NWD2: variants seen among roughly 807,000 people sequenced by gnomAD.
The protein encoded by NWD2 is NACHT and WD repeat domain-containing protein 2.
In NWD2, 37 loss-of-function variants were observed where a neutral mutation model predicts 132.7. That is an observed-to-expected ratio of 0.28 (90% CI 0.21 to 0.37). The LOEUF (loss-of-function observed/expected upper bound fraction) is 0.37, where lower values mean the gene tolerates loss of function less well. NWD2 is among the 10% of genes least tolerant of loss of function. The pLI is 1.00. For missense variants in NWD2, 1,592 were observed against 2,122.4 expected, an observed-to-expected ratio of 0.75 and a Z score of 4.91; for synonymous variants, 705 against 803.0, an observed-to-expected ratio of 0.88 and a Z score of 2.06.
chr4:37,259,818 G>C (rs1717592275), intron 1 of NWD2, among the ~76,000 whole-genome samples: 1 of 152,244 alleles, frequency 6.6e-6, no homozygotes, highest in Non-Finnish European at 1.5e-5. Flanking sequence ...AAAAGGCAGA[G>C]AGTGGGAGGA....
At chr4:37,250,008 T>G (rs7669853) in intron 1 of NWD2, among the ~76,000 whole-genome samples, 10 of 152,108 alleles carry the variant, frequency 6.6e-5, no homozygotes, top group South Asian at 2.1e-4. Flanking sequence ...GGCAGACATA[T>G]CTGCATTAAG....
chr4:37,386,325 T>C (rs886511106), intron 3 of NWD2, among the ~76,000 whole-genome samples: 2 of 152,144 alleles, frequency 1.3e-5, no homozygotes, highest in East Asian at 3.8e-4. Flanking sequence ...GAAACCATCA[T>C]GAATTTATAG....
chr4:37,322,872 A>AT (rs1344224367), intron 1 of NWD2, among the ~76,000 whole-genome samples: 2 of 152,204 alleles, frequency 1.3e-5, no homozygotes, highest in African/African-American at 2.4e-5. Flanking sequence ...AGATAATTCA[A>AT]TTTTTTTTAT....
At chr4:37,277,954 T>C (rs1300828967) in intron 1 of NWD2, among the ~76,000 whole-genome samples, 2 of 152,178 alleles carry the variant, frequency 1.3e-5, no homozygotes, top group Non-Finnish European at 2.9e-5. Flanking sequence ...TCCACTGATA[T>C]CTTTGCTCAG....
intron 6 of NWD2, among the ~76,000 whole-genome samples, chr4:37,442,090 G>A (rs73809824): frequency 0.027 from 4,139 of 152,252 alleles, 130 homozygotes; most frequent in African/African-American, 0.072. Context: ...CAACAGCAAC[G>A]AAATGTTTAT....
intron 1 of NWD2, among the ~76,000 whole-genome samples, chr4:37,324,315 T>C (rs1430001975): frequency 6.6e-6 from 1 of 152,188 alleles, no homozygotes; most frequent in East Asian, 1.9e-4. Context: ...ACGATTTAGA[T>C]ACCATTTTTT....
chr4:37,400,061 C>G (rs1227945127), intron 3 of NWD2, among the ~76,000 whole-genome samples: 1 of 152,294 alleles, frequency 6.6e-6, no homozygotes, highest in East Asian at 1.9e-4. Flanking sequence ...GTATCCCCAA[C>G]CATCTCAAAA....
Position 37,244,784 on chromosome 4 carries a change from C to A in NWD2, c.-284C>A. 2.7e-6 allele frequency: 1 copy of A among 370,038 alleles called. No homozygotes were observed. Among genetic ancestry groups the A allele is most frequent in the Non-Finnish European group, 4.8e-6 (1 of 206,562 alleles). 22.9% of individuals were successfully genotyped at this position (370,038 alleles called of 1,614,324 possible). On this transcript the variant is annotated 5_prime_UTR_variant, in exon 1 of 7. Coordinates refer to ENST00000309447, the MANE Select transcript of NWD2 (RefSeq NM_001144990.2). The surrounding 1 kb of genome is among the most constrained non-coding windows in gnomAD (Gnocchi z 5.5). Reference sequence around the variant, plus strand: ...CGTAGCCGCCGCCACGCTGACCTCCCGCTCCAGCTGGCTGCTGCTCGGAGC... The same window carrying A: ...CGTAGCCGCCGCCACGCTGACCTCCAGCTCCAGCTGGCTGCTGCTCGGAGC...
intron 3 of NWD2, among the ~76,000 whole-genome samples, chr4:37,410,829 G>A (rs1426378196): frequency 6.6e-6 from 1 of 152,090 alleles, no homozygotes; most frequent in Non-Finnish European, 1.5e-5. Context: ...TTAGAACTCA[G>A]GATTACAAAA....
rs548486488 is a variant in NWD2, at chr4:37,400,447, T to C, written c.358-30125T>C. Among the ~76,000 whole-genome samples the C allele has an allele frequency of 5.9e-5, 9 of 152,328 alleles. No homozygotes were observed. The South Asian group carries it at 1.9e-3, about 32-fold the overall frequency. ...GGAGTGGTGACATATATTTCCTCCC[T>C]TGAGTGACACAGAGAGTTCCCTCTC... On this transcript the variant is annotated intron_variant, in intron 3 of 6. Transcript: ENST00000309447.
At chr4:37,359,764 G>A (rs1003920634) in intron 3 of NWD2, among the ~76,000 whole-genome samples, 8 of 152,044 alleles carry the variant, frequency 5.3e-5, no homozygotes, top group African/African-American at 1.9e-4. Context: ...GGCCTTTTTC[G>A]ACTTCATTTC....
chr4:37,405,091 A>T (rs1477511693), intron 3 of NWD2, among the ~76,000 whole-genome samples: 1 of 152,182 alleles, frequency 6.6e-6, no homozygotes, highest in African/African-American at 2.4e-5. Flanking sequence ...TGAAATGATG[A>T]ATCGATGAAC....
chr4:37,415,366 T>C (rs752573765), intron 3 of NWD2, among the ~76,000 whole-genome samples: 7 of 152,122 alleles, frequency 4.6e-5, no homozygotes, highest in Non-Finnish European at 7.4e-5. Flanking sequence ...CCCCTTCTCA[T>C]GTGGAGAAGC....
chr4:37,307,352 A>C (rs1173135760), intron 1 of NWD2, among the ~76,000 whole-genome samples: 2 of 151,842 alleles, frequency 1.3e-5, no homozygotes, highest in African/African-American at 4.8e-5. Flanking sequence ...CTTGTCTGGG[A>C]GAGACATTGT....
At chr4:37,438,684 C>A in intron 5 of NWD2, 117 bp from the exon 6 acceptor site, 1 of 661,592 alleles carries the variant, frequency 1.5e-6, no homozygotes, top group Non-Finnish European at 2.5e-6. Context: ...AAGATTACTT[C>A]GCTACAAACC....
intron 3 of NWD2, among the ~76,000 whole-genome samples, chr4:37,383,098 A>C (rs1276355701): frequency 6.6e-6 from 1 of 152,074 alleles, no homozygotes; most frequent in Non-Finnish European, 1.5e-5. Context: ...CTTCCCTCAG[A>C]CTTTGATTAT....
intron 3 of NWD2, among the ~76,000 whole-genome samples, chr4:37,372,178 C>G (rs1720242396): frequency 6.6e-6 from 1 of 152,076 alleles, no homozygotes; most frequent in African/African-American, 2.4e-5. Flanking sequence ...AAACTAAACA[C>G]ACTTATTTTT....
chr4:37,443,203 T>A lies in NWD2; in HGVS notation c.1297-82T>A. The A allele has an allele frequency of 1.6e-6, 2 of 1,235,656 alleles. No homozygotes were observed. The highest frequency in any genetic ancestry group is 2.2e-6 in the Non-Finnish European group (2 of 903,572). The allele number at this position is 1,235,656 out of a possible 1,614,324, so 76.5% of individuals were successfully genotyped here. A position where few individuals can be genotyped will look rare whatever the true frequency, so the allele number is the denominator to read the frequency against. ...TGCACAGCAGAGGAGACCAGAAATC[T>A]GAGCTCTGGAGAGAGGCAATGTTAT... On this transcript the variant is annotated intron_variant, in intron 6 of 6. Transcript: ENST00000309447. This position sits in a 1 kb window ranked among gnomAD's most constrained non-coding sequence, Gnocchi z 4.1.
intron 3 of NWD2, among the ~76,000 whole-genome samples, chr4:37,426,618 C>T (rs1038829844): frequency 6.6e-6 from 1 of 152,144 alleles, no homozygotes; most frequent in Non-Finnish European, 1.5e-5. Flanking sequence ...CTTCAGTACT[C>T]GTTAACCATT....
Sources: gnomAD v4.1 joint callset for allele counts (sites outside exome capture counted in the v4.1 genomes callset) on GRCh38, gnomAD v4.1.1 for gene constraint, Gnocchi (gnomAD v3.1) non-coding constraint, MANE v1.5 for transcripts, NCBI Gene and HGNC (gene_info 2026-07-23, HGNC 2026-07-21) for gene names.